ZNF560: variants seen among roughly 807,000 people sequenced by gnomAD.
ZNF560 encodes zinc finger protein 560.
In ZNF560, 54 loss-of-function variants were observed where a neutral mutation model predicts 81.8. The ratio of observed to expected loss-of-function variants is 0.66; its 90% CI spans 0.53 to 0.83. The LOEUF (loss-of-function observed/expected upper bound fraction) is 0.83, where lower values mean the gene tolerates loss of function less well. Among genes scored for constraint, ZNF560 ranks in the 40% least tolerant of loss-of-function variants. ZNF560 has a pLI of 0.00. For missense variants in ZNF560, 940 were observed against 932.4 expected, an observed-to-expected ratio of 1.01 and a Z score of -0.11; for synonymous variants, 321 against 317.9, an observed-to-expected ratio of 1.01 and a Z score of -0.10.
At chr19:9,486,521 C>T (rs895708738) in intron 2 of ZNF560, among the ~76,000 whole-genome samples, 3 of 152,156 alleles carry the variant, frequency 2.0e-5, no homozygotes, top group Non-Finnish European at 4.4e-5. Flanking sequence ...AGGTGGATCA[C>T]CTGAGGTTAG....
intron 2 of ZNF560, among the ~76,000 whole-genome samples, chr19:9,480,985 G>C (rs1200406185): frequency 6.6e-5 from 10 of 151,720 alleles, no homozygotes; most frequent in Non-Finnish European, 1.5e-4. Context: ...TCAGGAGGCT[G>C]AGGTAGGAGG....
In ZNF560 at chr19:9,467,501, G is replaced by C; in HGVS notation, c.1446C>G (p.Asn482Lys). ...SSGVIEDRRS[N>K]TGQKRFDCDQ... The stretch of plus-strand genomic sequence containing the variant: ...CACAATCAAAGCGTTTCTGTCCTGT[G>C]TTACTTCTTCTATCTTCAATAACAC... Residue 482 changes from asparagine (N) to lysine (K), a missense_variant, in exon 10 of 10, where the codon AAC (asparagine) becomes AAG (lysine). Asn to Lys is a moderately conservative substitution (Grantham distance 94). Coordinates refer to ENST00000301480, the MANE Select transcript of ZNF560 (RefSeq NM_152476.3). 1 of 1,614,128 alleles carries C rather than the reference G, an allele frequency of 6.2e-7. No homozygotes were observed. The highest frequency in any genetic ancestry group is 8.5e-7 in the Non-Finnish European group (1 of 1,180,026).
At chr19:9,489,925 G>A (rs1479071433) in intron 2 of ZNF560, among the ~76,000 whole-genome samples, 1 of 152,180 alleles carries the variant, frequency 6.6e-6, no homozygotes, top group Non-Finnish European at 1.5e-5. Context: ...TGTGAGAATA[G>A]CCTAATACAG....
In ZNF560 at chr19:9,466,367, G is replaced by C; in HGVS notation, c.*207C>G. 1 of 493,024 alleles carries C rather than the reference G, an allele frequency of 2.0e-6. No homozygotes were observed. The highest frequency in any genetic ancestry group is 3.5e-6 in the Non-Finnish European group (1 of 283,912). 30.5% of individuals were successfully genotyped at this position (493,024 alleles called of 1,614,324 possible). ...CAAAAAAAAAAAAAGAGAGAGAGAA[G>C]AACTAGTGTTTTCCTACATCCCTTA... On this transcript the variant is annotated 3_prime_UTR_variant, in exon 10 of 10. Transcript: ENST00000301480.
chr19:9,460,713 A>G, the ZNF560 span, among the ~76,000 whole-genome samples: 1 of 152,176 alleles, frequency 6.6e-6, no homozygotes, highest in African/African-American at 2.4e-5. Context: ...TGGTGTCAGT[A>G]TTTACCATAA....
intron 6 of ZNF560, among the ~76,000 whole-genome samples, chr19:9,470,743 C>T (rs929121500): frequency 1.3e-5 from 2 of 152,200 alleles, no homozygotes; most frequent in African/African-American, 4.8e-5. Context: ...AACTTATCAA[C>T]CACAACTAGA....
intron 2 of ZNF560, among the ~76,000 whole-genome samples, chr19:9,483,596 C>T (rs1357189780): frequency 2.9e-4 from 33 of 114,866 alleles, no homozygotes; most frequent in African/African-American, 7.7e-4. Flanking sequence ...GGTCAGCCCC[C>T]GCCCGGCCAG....
At position 9,474,264 on chromosome 19, in the gene ZNF560, T is replaced by C. The variant is rs1434265028; in HGVS notation, c.92A>G (p.Asp31Gly). 8 of 1,614,000 alleles carry C rather than the reference T, an allele frequency of 5.0e-6. No homozygotes were observed. The African/African-American group carries it at 9.3e-5, about 19-fold the overall frequency. ...TCTGTATAAGTTTCTCTGAACTGGG[T>C]CCAGTAAAATCCACTCCTCCTGGGT... ...DFTQEEWILL[D>G]PVQRNLYRDV... Residue 31 changes from aspartate to glycine, a missense_variant, in exon 4 of 10, where the codon GAC (aspartate) becomes GGC (glycine). By Grantham distance (94) the Asp-to-Gly change is moderately conservative (BLOSUM62 -1). Coordinates refer to ENST00000301480, the MANE Select transcript of ZNF560 (RefSeq NM_152476.3).
At chr19:9,498,665 T>C (rs917995742), upstream of ZNF560, 1 of 152,198 alleles carries the variant, frequency 6.6e-6, no homozygotes, top group Admixed American at 6.5e-5. Context: ...GGGGCGTGGC[T>C]CGTTGTGTGG....
intron 3 of ZNF560, among the ~76,000 whole-genome samples, chr19:9,474,821 GCAT>G (rs2073175054): frequency 7.5e-6 from 1 of 133,716 alleles, no homozygotes; most frequent in Non-Finnish European, 1.6e-5. Context: ...ACCATGCCTG[GCAT>G]TTTTTTTTTT....
At chr19:9,474,475 T>C in intron 3 of ZNF560, 150 bp from the exon 4 acceptor site, 1 of 833,766 alleles carries the variant, frequency 1.2e-6, no homozygotes, top group African/African-American at 1.7e-5. Context: ...AAATCTCAGG[T>C]ATTCCTCTCT....
chr19:9,503,813 C>T, the ZNF560 span, among the ~76,000 whole-genome samples: 1 of 152,194 alleles, frequency 6.6e-6, no homozygotes. Flanking sequence ...GCTAGAATTA[C>T]AGGCATGAGT....
intron 5 of ZNF560, 38 bp from the exon 6 acceptor site, chr19:9,471,416 T>TTAA: frequency 1.3e-5 from 17 of 1,279,584 alleles, no homozygotes; most frequent in South Asian, 3.1e-5. Context: ...TTTTTTTTTT[T>TTAA]AAAAAAAAAG....
chr19:9,496,755 G>T, intron 2 of ZNF560, among the ~76,000 whole-genome samples: 1 of 151,578 alleles, frequency 6.6e-6, no homozygotes, highest in East Asian at 2.0e-4. Context: ...GGCCAACATG[G>T]TGAAACCCCA....
chr19:9,493,879 T>C (rs989962641), intron 2 of ZNF560, among the ~76,000 whole-genome samples: 1 of 151,910 alleles, frequency 6.6e-6, no homozygotes, highest in African/African-American at 2.4e-5. Flanking sequence ...ACACCTGTAA[T>C]CCCAGCACTT....
chr19:9,505,258 C>G, the ZNF560 span, among the ~76,000 whole-genome samples: 2 of 152,186 alleles, frequency 1.3e-5, no homozygotes, highest in Non-Finnish European at 2.9e-5. Context: ...AAGCTTTTAT[C>G]AATATATTGC....
At chr19:9,450,470 C>T in the ZNF560 span, among the ~76,000 whole-genome samples, 1 of 152,126 alleles carries the variant, frequency 6.6e-6, no homozygotes, top group Admixed American at 6.5e-5. Context: ...CAAAAGGCCC[C>T]TGGAGCTGAT....
chr19:9,497,827 G>A (rs555018685), intron 2 of ZNF560, among the ~76,000 whole-genome samples: 66 of 152,206 alleles, frequency 4.3e-4, no homozygotes, highest in African/African-American at 1.5e-3. Context: ...TTTCTTCCAG[G>A]AAGCCTGGTT....
Position 9,467,841 on chromosome 19 carries a change from G to T in ZNF560, c.1106C>A (p.Thr369Asn). 8 of 1,614,132 alleles carry T rather than the reference G, an allele frequency of 5.0e-6. No homozygotes were observed. Among genetic ancestry groups the T allele is most frequent in the Non-Finnish European group, 6.8e-6 (8 of 1,180,036 alleles). ...TTTATAAGGTTTTATCCCAATGTGG[G>T]TTTGCATGTGATTATTAAGGTGGGT... ...YPTHLNNHMQ[T>N]HIGIKPYKCK... The change falls in exon 10 of 10, where the codon ACC becomes AAC. Residue 369 changes from threonine to asparagine, a missense_variant. Transcript: ENST00000301480.
Sources: gnomAD v4.1 joint callset for allele counts (sites outside exome capture counted in the v4.1 genomes callset) on GRCh38, gnomAD v4.1.1 for gene constraint, MANE v1.5 for transcripts, NCBI Gene and HGNC (gene_info 2026-07-23, HGNC 2026-07-21) for gene names.